The following IDE variants were observed in gnomAD, a reference collection of about 807,000 sequenced individuals.
The protein encoded by IDE is insulin-degrading enzyme.
IDE carries 58 observed loss-of-function variants against 133.2 expected under a neutral mutation model. The observed-to-expected ratio is 0.44, with a 90% confidence interval of 0.35 to 0.54. The LOEUF (loss-of-function observed/expected upper bound fraction) is 0.54. Ranked by LOEUF, IDE falls within the 20% of genes least tolerant of loss-of-function variation. IDE has a pLI of 0.00. For missense variants in IDE, 981 were observed against 1,234.0 expected (o/e 0.79, Z 3.07); for synonymous variants, 396 against 421.3 (o/e 0.94, Z 0.73).
At position 92,510,710 on chromosome 10, in the gene IDE, T is replaced by A. The variant is rs867086962; in HGVS notation, c.785-548A>T. Reference sequence around the variant, plus strand: ...TATCACATACATCTCACATATATGATATATATCACATACATCTCACATGTA... The same window carrying A: ...TATCACATACATCTCACATATATGAAATATATCACATACATCTCACATGTA... On this transcript the variant is annotated intron_variant, in intron 5 of 24. Coordinates refer to ENST00000265986, the MANE Select transcript of IDE (RefSeq NM_004969.4). Among the ~76,000 whole-genome samples the A allele has an allele frequency of 5.2e-3, 772 of 149,244 alleles. 1 individual carries two copies. Among genetic ancestry groups the A allele is most frequent in the Admixed American group, 7.3e-3 (109 of 14,898 alleles).
Position 92,537,421 on chromosome 10 carries a change from A to T in IDE, c.228T>A (p.Leu76=). The change falls in exon 2 of 25, where the codon CTT becomes CTA. Residue 76 remains leucine (L), a synonymous_variant. Transcript: ENST00000265986. ...GLELANGIKV[L]LISDPTTDKS... ...TATCCGTGGTGGGATCACTGATAAG[A>T]AGTACTTTGATACCATTGGCCAGCT... 6.2e-7 allele frequency: 1 copy of T among 1,613,926 alleles called. No individual in the cohort carries two copies.
At chr10:92,561,193 T>C (rs953140878) in intron 1 of IDE, among the ~76,000 whole-genome samples, 1 of 151,194 alleles carries the variant, frequency 6.6e-6, no homozygotes, top group Non-Finnish European at 1.5e-5. Context: ...GAGGCGGAGG[T>C]TGCAGTAAGC....
intron 11 of IDE, among the ~76,000 whole-genome samples, chr10:92,495,965 C>T (rs906088307): frequency 5.9e-5 from 9 of 152,002 alleles, no homozygotes; most frequent in African/African-American, 2.2e-4. Flanking sequence ...ACCTCCGCCC[C>T]CTGGGTTCAA....
chr10:92,573,789 C>T, intron 1 of IDE, 133 bp downstream of exon 1: 1 of 649,902 alleles, frequency 1.5e-6, no homozygotes, highest in Non-Finnish European at 2.4e-6. Context: ...CAGTACGGGC[C>T]CCAGGCCGGC....
chr10:92,463,345 C>CA (rs949080718), intron 21 of IDE, among the ~76,000 whole-genome samples: 37 of 152,304 alleles, frequency 2.4e-4, no homozygotes, highest in African/African-American at 7.9e-4. Context: ...TCCTGTGCCT[C>CA]AAGGGCAGCA....
At chr10:92,533,580 A>C (rs564904792) in intron 3 of IDE, among the ~76,000 whole-genome samples, 2 of 152,158 alleles carry the variant, frequency 1.3e-5, no homozygotes, top group Non-Finnish European at 2.9e-5. Flanking sequence ...ATATTCACCA[A>C]GGATAAACAA....
At chr10:92,481,141 A>G (rs1846582994) in intron 14 of IDE, among the ~76,000 whole-genome samples, 1 of 152,226 alleles carries the variant, frequency 6.6e-6, no homozygotes, top group South Asian at 2.1e-4. Flanking sequence ...TCATCAAAAC[A>G]AAAGAGAGGA....
At chr10:92,572,086 A>G (rs976846533) in intron 1 of IDE, among the ~76,000 whole-genome samples, 6 of 152,250 alleles carry the variant, frequency 3.9e-5, no homozygotes, top group Non-Finnish European at 5.9e-5. Flanking sequence ...TGAGAAAAAC[A>G]TATCTTAAAA....
rs1461162499 is a variant in IDE at position 92,455,614 on chromosome 10, T to A, written c.2926A>T (p.Asn976Tyr). ...CPVVGEFPCQ[N>Y]DINLSQAPAL... is the part of the protein sequence containing the mutation. ...GGTGCTTGTGACAAATTTATGTCAT[T>A]TTGACATGGGAACTCTCCAACAACA... Residue 976 changes from asparagine (N) to tyrosine (Y), a missense_variant, in exon 24 of 25, where the codon AAT becomes TAT. Asn to Tyr is a moderately radical substitution (Grantham distance 143). Around this residue, in one of 2 missense-constraint regions of IDE, gnomAD observed 660 missense variants for 894.7 expected, o/e 0.74. Coordinates refer to ENST00000265986, the MANE Select transcript of IDE (RefSeq NM_004969.4). 6 of 1,602,840 alleles carry A rather than the reference T, an allele frequency of 3.7e-6. No homozygotes were observed. Among genetic ancestry groups the A allele is most frequent in the Non-Finnish European group, 4.3e-6 (5 of 1,169,810 alleles).
intron 21 of IDE, among the ~76,000 whole-genome samples, chr10:92,462,554 C>T (rs1327289556): frequency 1.3e-5 from 2 of 151,780 alleles, no homozygotes; most frequent in Non-Finnish European, 2.9e-5. Flanking sequence ...TGCGGTGAGC[C>T]GGAGATCGTG....
chr10:92,459,796 T>G (rs1224256732), intron 22 of IDE, among the ~76,000 whole-genome samples: 6 of 150,798 alleles, frequency 4.0e-5, no homozygotes, highest in East Asian at 1.9e-4. Flanking sequence ...AATTTTTATA[T>G]AGGGGAAGAT....
chr10:92,484,209 G>A (rs1033695114), intron 13 of IDE, among the ~76,000 whole-genome samples: 4 of 151,700 alleles, frequency 2.6e-5, no homozygotes, highest in African/African-American at 7.3e-5. Flanking sequence ...CCGGGAGTTC[G>A]AGACCATCCT....
chr10:92,514,441 T>C (rs1356909775), intron 5 of IDE, among the ~76,000 whole-genome samples: 1 of 151,900 alleles, frequency 6.6e-6, no homozygotes, highest in Non-Finnish European at 1.5e-5. Flanking sequence ...GTCCTTTTTG[T>C]GTGTTTTTTT....
At position 92,470,331 on chromosome 10, in the gene IDE, GAGGA is replaced by G; in HGVS notation, c.2127_2130del (p.Pro710AlafsTer23). 6.2e-7 allele frequency: 1 copy of G among 1,602,716 alleles called. No homozygotes were observed. Among genetic ancestry groups the G allele is most frequent in the Non-Finnish European group, 8.5e-7 (1 of 1,173,636 alleles). On this transcript the variant is annotated frameshift_variant, in exon 18 of 25. Coordinates refer to ENST00000265986, the MANE Select transcript of IDE (RefSeq NM_004969.4). LOFTEE classifies it high-confidence loss of function. The stretch of plus-strand genomic sequence containing the variant: ...AGCTGAGGTATGAAGGCCTTAAGGC[GAGGA>G]AGGGTTACATCTGCAAAGGTGTAAG...
rs757789861 is a variant in IDE at position 92,463,982 on chromosome 10, G to A, written c.2510C>T (p.Pro837Leu). The change falls in exon 21 of 25, where the codon CCA becomes CTA. Residue 837 changes from proline to leucine, a missense_variant. Around this residue, in one of 2 missense-constraint regions of IDE, gnomAD observed 660 missense variants for 894.7 expected, o/e 0.74. Coordinates refer to ENST00000265986, the MANE Select transcript of IDE (RefSeq NM_004969.4). ...EQLGYIVFSG[P>L]RRANGIQGLR... ...GCCCTGTATGCCATTAGCTCGACGTGGCCCGCTGAAGACGATATAGCCTGA... is the reference window on the plus strand; with the variant it reads ...GCCCTGTATGCCATTAGCTCGACGTAGCCCGCTGAAGACGATATAGCCTGA... The A allele has an allele frequency of 9.3e-6, 15 of 1,613,514 alleles. No individual in the cohort carries two copies. Among genetic ancestry groups the A allele is most frequent in the Non-Finnish European group, 1.1e-5 (13 of 1,179,618 alleles).
chr10:92,548,709 G>A (rs10219017), intron 1 of IDE, among the ~76,000 whole-genome samples: 3,763 of 152,186 alleles, frequency 0.025, 169 homozygotes, highest in African/African-American at 0.083. Context: ...ACATTCATTA[G>A]GTAGGCTGAT....
intron 1 of IDE, chr10:92,558,967 G>C (rs1323804415): frequency 6.7e-6 from 1 of 149,944 alleles, no homozygotes; most frequent in Non-Finnish European, 1.5e-5. Context: ...ATAGAAAAAG[G>C]ATCTGAGTAG....
chr10:92,463,715 C>T lies in IDE; in HGVS notation c.2761+16G>A. The T allele has an allele frequency of 6.2e-7, 1 of 1,606,948 alleles. No homozygotes were observed. Among genetic ancestry groups the T allele is most frequent in the Non-Finnish European group, 8.5e-7 (1 of 1,174,458 alleles). On this transcript the variant is annotated intron_variant, in intron 21 of 24. Transcript: ENST00000265986. ...ACTTGAATGCCATAAATGTTGGAGC[C>T]CTAATTTTACCTTACCTCTGTCAAA... is the stretch of plus-strand genomic sequence containing the variant.
At chr10:92,508,621 T>A in intron 7 of IDE, 107 bp downstream of exon 7, 1 of 947,018 alleles carries the variant, frequency 1.1e-6, no homozygotes, top group Non-Finnish European at 1.6e-6. Context: ...TAACCCAAAA[T>A]GGTCACATCT....
Sources: gnomAD v4.1 joint callset for allele counts (sites outside exome capture counted in the v4.1 genomes callset) on GRCh38, gnomAD v4.1.1 for gene constraint, gnomAD v4.1.1 regional missense constraint, MANE v1.5 for transcripts, NCBI Gene and HGNC (gene_info 2026-07-23, HGNC 2026-07-21) for gene names.